Variants in RAPGEF4 observed in about 807,000 individuals in gnomAD.
RAPGEF4 encodes the protein Rap guanine nucleotide exchange factor 4.
Under a neutral mutation model 147.9 loss-of-function variants are expected in RAPGEF4, and 66 were observed. That is an observed-to-expected ratio of 0.45 (90% CI 0.37 to 0.55). The LOEUF (loss-of-function observed/expected upper bound fraction) is 0.55. Ranked by LOEUF, RAPGEF4 falls within the 20% of genes least tolerant of loss-of-function variation. RAPGEF4 has a pLI of 0.00. For synonymous variants in RAPGEF4, 419 were observed against 442.7 expected (o/e 0.95, Z 0.67); for missense variants, 1,071 against 1,257.3 (o/e 0.85, Z 2.24).
chr2:172,821,440 G>C, intron 4 of RAPGEF4: 1 of 398,222 alleles, frequency 2.5e-6, no homozygotes, highest in Non-Finnish European at 3.4e-6. Context: ...GTACTGTAGG[G>C]TTACTTCTCA....
intron 4 of RAPGEF4, among the ~76,000 whole-genome samples, chr2:172,855,002 CAT>C (rs1349464697): frequency 2.0e-5 from 3 of 152,098 alleles, no homozygotes; most frequent in South Asian, 2.1e-4. Context: ...CTTTAAAGAA[CAT>C]AGCTTTGATT....
chr2:173,041,209 T>C (rs1222116333), intron 29 of RAPGEF4, among the ~76,000 whole-genome samples: 1 of 152,160 alleles, frequency 6.6e-6, no homozygotes, highest in Non-Finnish European at 1.5e-5. Context: ...TCACCAATAA[T>C]ATTATTATAA....
chr2:172,747,124 G>A (rs1694849014), intron 1 of RAPGEF4, among the ~76,000 whole-genome samples: 1 of 152,204 alleles, frequency 6.6e-6, no homozygotes, highest in Non-Finnish European at 1.5e-5. Flanking sequence ...TACCCTGGAT[G>A]AAGGCATTAA....
chr2:172,934,147 CTT>C (rs5836396), intron 6 of RAPGEF4, among the ~76,000 whole-genome samples: 9 of 99,148 alleles, frequency 9.1e-5, no homozygotes, highest in African/African-American at 2.8e-4. Context: ...TTATTTAATC[CTT>C]TTTTTTTTTT....
intron 1 of RAPGEF4, among the ~76,000 whole-genome samples, chr2:172,788,928 T>C (rs531714413): frequency 3.1e-4 from 47 of 152,024 alleles, no homozygotes; most frequent in African/African-American, 1.1e-3. Flanking sequence ...AATAAATAAA[T>C]AAGAGGTGCT....
chr2:172,983,858 A>G (rs1446055931), intron 11 of RAPGEF4, among the ~76,000 whole-genome samples: 1 of 152,150 alleles, frequency 6.6e-6, no homozygotes, highest in African/African-American at 2.4e-5. Context: ...CCCTGTGAAT[A>G]TGAATTTTGG....
intron 4 of RAPGEF4, among the ~76,000 whole-genome samples, chr2:172,867,312 C>G (rs772748032): frequency 6.6e-6 from 1 of 152,134 alleles, no homozygotes; most frequent in African/African-American, 2.4e-5. Context: ...CTTTGACTGT[C>G]TGTATTTTGG....
At chr2:172,792,060 C>G (rs1417617686) in intron 1 of RAPGEF4, among the ~76,000 whole-genome samples, 1 of 152,232 alleles carries the variant, frequency 6.6e-6, no homozygotes, top group East Asian at 1.9e-4. Flanking sequence ...CCCACGGTCA[C>G]TTGCATGCTG....
Position 172,897,668 on chromosome 2 carries a change from C to G in RAPGEF4, c.445-20134C>G, listed in dbSNP as rs968246545. The stretch of plus-strand genomic sequence containing the variant: ...CCTCTCACCTCAGCCTCCCAAAGTG[C>G]TGGGATTACAGGCATGAGCCACCAT... On this transcript the variant is annotated intron_variant, in intron 4 of 30. Transcript: ENST00000397081. Among the ~76,000 whole-genome samples the G allele has an allele frequency of 2.8e-4, 42 of 151,890 alleles. 1 individual carries two copies. The highest frequency in any genetic ancestry group is 5.9e-5 in the Non-Finnish European group (4 of 67,984).
At chr2:172,848,770 A>T (rs115327811) in intron 4 of RAPGEF4, among the ~76,000 whole-genome samples, 2,102 of 152,326 alleles carry the variant, frequency 0.014, 48 homozygotes, top group African/African-American at 0.048. Flanking sequence ...GTCCAGCAAG[A>T]GGCCTGCCTC....
chr2:172,986,191 T>G (rs1692230308), intron 12 of RAPGEF4, among the ~76,000 whole-genome samples: 1 of 152,238 alleles, frequency 6.6e-6, no homozygotes, highest in Non-Finnish European at 1.5e-5. Context: ...CAATCTCTCT[T>G]GCAGAATCAC....
chr2:172,901,312 G>T (rs1699036427), intron 4 of RAPGEF4, among the ~76,000 whole-genome samples: 1 of 152,152 alleles, frequency 6.6e-6, no homozygotes, highest in Non-Finnish European at 1.5e-5. Context: ...AGATTTTGAT[G>T]AATTAAATTT....
At chr2:172,952,096 A>C (rs1277300278) in intron 6 of RAPGEF4, among the ~76,000 whole-genome samples, 1 of 152,176 alleles carries the variant, frequency 6.6e-6, no homozygotes, top group East Asian at 1.9e-4. Context: ...CTGCAACCTC[A>C]AACTACTGGG....
At chr2:172,992,793 T>C (rs1156821606) in intron 15 of RAPGEF4, among the ~76,000 whole-genome samples, 1 of 152,248 alleles carries the variant, frequency 6.6e-6, no homozygotes, top group Admixed American at 6.5e-5. Context: ...ATGAGCCATT[T>C]AAGAAATATC....
chr2:172,944,631 T>G (rs1198639630), intron 6 of RAPGEF4, among the ~76,000 whole-genome samples: 1 of 152,158 alleles, frequency 6.6e-6, no homozygotes, highest in Non-Finnish European at 1.5e-5. Flanking sequence ...AGGCTGATCT[T>G]AGAGTGATTA....
chr2:172,932,876 A>G (rs1686140770), intron 6 of RAPGEF4, among the ~76,000 whole-genome samples: 1 of 152,204 alleles, frequency 6.6e-6, no homozygotes, highest in East Asian at 1.9e-4. Context: ...TCTTTGTTAC[A>G]ACTTTTCTTC....
chr2:172,748,505 C>A (rs1292588088), intron 1 of RAPGEF4, among the ~76,000 whole-genome samples: 1 of 152,252 alleles, frequency 6.6e-6, no homozygotes, highest in East Asian at 1.9e-4. Flanking sequence ...GACTTATCCA[C>A]TACCACAAGA....
intron 6 of RAPGEF4, among the ~76,000 whole-genome samples, chr2:172,938,050 C>A (rs1452286203): frequency 6.6e-6 from 1 of 152,050 alleles, no homozygotes; most frequent in Middle Eastern, 3.2e-3. Flanking sequence ...CCAGAGTCAG[C>A]CATTTTGCCA....
chr2:172,782,394 T>C (rs1323358946), intron 1 of RAPGEF4, among the ~76,000 whole-genome samples: 1 of 152,174 alleles, frequency 6.6e-6, no homozygotes, highest in Non-Finnish European at 1.5e-5. Context: ...CTTCCTTTTT[T>C]CCATGTTCTT....
Sources: allele counts gnomAD v4.1 joint callset (sites outside exome capture counted in the v4.1 genomes callset), GRCh38; gene constraint gnomAD v4.1.1; transcripts MANE v1.5; gene names NCBI Gene and HGNC (gene_info 2026-07-23, HGNC 2026-07-21).